ATXN8OS: variants seen among roughly 807,000 people sequenced by gnomAD.
ATXN8OS encodes ATXN8 opposite strand lncRNA.
At chr13:70,158,385 T>C (rs150168888) in intron 4 of ATXN8OS, among the ~76,000 whole-genome samples, 20 of 152,272 alleles carry the variant, frequency 1.3e-4, no homozygotes, top group African/African-American at 4.1e-4. Context: ...GCCACTGCAC[T>C]CCAGCCTGGG....
chr13:70,121,433 A>C (rs1888359234), intron 2 of ATXN8OS, among the ~76,000 whole-genome samples: 1 of 152,100 alleles, frequency 6.6e-6, no homozygotes, highest in South Asian at 2.1e-4. Flanking sequence ...AAGGAGGGAA[A>C]GGGTGTATAA....
intron 4 of ATXN8OS, among the ~76,000 whole-genome samples, chr13:70,167,543 G>GAGAT (rs953981949): frequency 6.6e-6 from 1 of 151,724 alleles, no homozygotes; most frequent in Non-Finnish European, 1.5e-5. Context: ...ATAGCATTAG[G>GAGAT]AGATATACCT....
intron 4 of ATXN8OS, among the ~76,000 whole-genome samples, chr13:70,167,442 T>C (rs939532873): frequency 1.3e-5 from 2 of 151,730 alleles, no homozygotes; most frequent in African/African-American, 2.4e-5. Flanking sequence ...TTCTCACTCA[T>C]AGGTGGGAAT....
intron 3 of ATXN8OS, among the ~76,000 whole-genome samples, chr13:70,145,350 A>G (rs1338878929): frequency 6.6e-6 from 1 of 151,804 alleles, no homozygotes; most frequent in Non-Finnish European, 1.5e-5. Context: ...TTTTGGTTCC[A>G]TATGAACTTT....
At chr13:70,143,062 C>G (rs577764444) in intron 3 of ATXN8OS, among the ~76,000 whole-genome samples, 1 of 148,224 alleles carries the variant, frequency 6.7e-6, no homozygotes, top group Non-Finnish European at 1.5e-5. Context: ...AGTGAAACTC[C>G]GTCTAAAAAA....
At chr13:70,112,611 C>T (rs775440239) in intron 1 of ATXN8OS, among the ~76,000 whole-genome samples, 10 of 151,848 alleles carry the variant, frequency 6.6e-5, no homozygotes, top group Non-Finnish European at 8.8e-5. Flanking sequence ...TTCATTGATC[C>T]CCAGGGGCCA....
chr13:70,119,712 A>G (rs572889765), intron 2 of ATXN8OS, among the ~76,000 whole-genome samples: 16 of 152,242 alleles, frequency 1.1e-4, no homozygotes, highest in African/African-American at 3.6e-4. Context: ...ATAAGTGAAA[A>G]ATTTAGCACC....
At chr13:70,127,091 G>A (rs547871390) in intron 2 of ATXN8OS, among the ~76,000 whole-genome samples, 10 of 151,814 alleles carry the variant, frequency 6.6e-5, no homozygotes, top group African/African-American at 2.2e-4. Context: ...CCATCTCAGA[G>A]AGACAGAGAC....
chr13:70,140,330 A>T (rs1888693450), intron 3 of ATXN8OS, among the ~76,000 whole-genome samples: 1 of 152,102 alleles, frequency 6.6e-6, no homozygotes, highest in Non-Finnish European at 1.5e-5. Context: ...AATTTGAAGA[A>T]TTTATTTTTA....
chr13:70,123,320 T>G (rs577554361), intron 2 of ATXN8OS, among the ~76,000 whole-genome samples: 98 of 152,286 alleles, frequency 6.4e-4, no homozygotes, highest in African/African-American at 2.3e-3. Context: ...ATTACATTGA[T>G]TAACTAATAG....
At chr13:70,113,654 T>C (rs1480011312) in intron 1 of ATXN8OS, among the ~76,000 whole-genome samples, 8 of 152,136 alleles carry the variant, frequency 5.3e-5, no homozygotes, top group Admixed American at 5.2e-4. Context: ...ATAGATAAAA[T>C]AGTATAACTT....
intron 4 of ATXN8OS, among the ~76,000 whole-genome samples, chr13:70,160,614 TG>T (rs1478378666): frequency 6.7e-6 from 1 of 150,082 alleles, no homozygotes; most frequent in East Asian, 1.9e-4. Flanking sequence ...TAGTCTTAAT[TG>T]GTAAGTATCA....
chr13:70,113,986 C>T (rs1566588656), intron 1 of ATXN8OS, among the ~76,000 whole-genome samples: 2 of 152,096 alleles, frequency 1.3e-5, no homozygotes, highest in African/African-American at 2.4e-5. Flanking sequence ...CCCAAAACAA[C>T]ATTTTTTAGT....
chr13:70,143,566 A>G (rs1257501215), intron 3 of ATXN8OS, among the ~76,000 whole-genome samples: 1 of 152,152 alleles, frequency 6.6e-6, no homozygotes, highest in Non-Finnish European at 1.5e-5. Context: ...GGCTGATTAT[A>G]TTATCTTAGT....
At chr13:70,158,529 A>G (rs923017801) in intron 4 of ATXN8OS, among the ~76,000 whole-genome samples, 3 of 152,244 alleles carry the variant, frequency 2.0e-5, no homozygotes, top group African/African-American at 7.2e-5. Context: ...ATATGCCTAG[A>G]TGGCAATGCT....
chr13:70,131,344 T>C (rs1241708255), intron 3 of ATXN8OS: 6 of 398,350 alleles, frequency 1.5e-5, no homozygotes, highest in Non-Finnish European at 2.7e-5. Flanking sequence ...ATCAGTTTTT[T>C]CCTCTCCAAG....
intron 1 of ATXN8OS, among the ~76,000 whole-genome samples, chr13:70,114,391 T>C (rs1055231147): frequency 2.0e-5 from 3 of 152,146 alleles, no homozygotes; most frequent in Non-Finnish European, 2.9e-5. Flanking sequence ...CTTCACACAA[T>C]AATATACTAA....
chr13:70,139,511 A>G (rs1269794972), intron 3 of ATXN8OS: 8 of 535,118 alleles, frequency 1.5e-5, no homozygotes, highest in Non-Finnish European at 2.6e-5. Context: ...CATACTGCTT[A>G]TCTCTTACTT....
At chr13:70,121,327 G>T (rs2055664382) in intron 2 of ATXN8OS, among the ~76,000 whole-genome samples, 1 of 152,106 alleles carries the variant, frequency 6.6e-6, no homozygotes, top group Non-Finnish European at 1.5e-5. Flanking sequence ...ATGATAGTGT[G>T]GGAGGAGAGG....
Sources: allele counts gnomAD v4.1 joint callset (sites outside exome capture counted in the v4.1 genomes callset), GRCh38; gene constraint gnomAD v4.1.1; transcripts MANE v1.5; gene names NCBI Gene and HGNC (gene_info 2026-07-23, HGNC 2026-07-21).